The following CENPW variants were observed in gnomAD, a reference collection of about 807,000 sequenced individuals.
CENPW encodes centromere protein W.
CENPW carries 3 observed loss-of-function variants against 11.1 expected under a neutral mutation model. The ratio of observed to expected loss-of-function variants is 0.27; its 90% confidence interval spans 0.12 to 0.70. CENPW has a LOEUF of 0.70. Among genes scored for constraint, CENPW ranks in the 30% least tolerant of loss-of-function variants. CENPW has a pLI of 0.77. For missense variants in CENPW, 100 were observed against 105.6 expected (o/e 0.95, Z 0.23); for synonymous variants, 38 against 42.0 (o/e 0.91, Z 0.37).
the CENPW span, among the ~76,000 whole-genome samples, chr6:126,368,200 G>C: frequency 6.6e-6 from 1 of 152,188 alleles, no homozygotes; most frequent in Admixed American, 6.5e-5. Context: ...TCCGCACTGG[G>C]GGAATAAAAT....
At chr6:126,474,070 G>C in the CENPW span, among the ~76,000 whole-genome samples, 1 of 149,290 alleles carries the variant, frequency 6.7e-6, no homozygotes, top group South Asian at 2.1e-4. Flanking sequence ...AATGAGAGTA[G>C]AATATATTTC....
the CENPW span, among the ~76,000 whole-genome samples, chr6:126,417,808 C>T: frequency 6.6e-6 from 1 of 152,072 alleles, no homozygotes. Flanking sequence ...TGAAAAGGTG[C>T]CAGATCCATT....
chr6:126,402,941 T>A, the CENPW span, among the ~76,000 whole-genome samples: 1 of 152,068 alleles, frequency 6.6e-6, no homozygotes, highest in Non-Finnish European at 1.5e-5. Flanking sequence ...ATCAATGCCA[T>A]TTTTTCAAGA....
chr6:126,431,279 C>T, the CENPW span, among the ~76,000 whole-genome samples: 191 of 152,234 alleles, frequency 1.3e-3, 2 homozygotes, highest in African/African-American at 4.2e-3. Context: ...GACCCCAGTG[C>T]GTTTTTTGCT....
the CENPW span, among the ~76,000 whole-genome samples, chr6:126,371,721 T>G: frequency 6.6e-6 from 1 of 152,146 alleles, no homozygotes; most frequent in Non-Finnish European, 1.5e-5. Flanking sequence ...GGGCTTTTTT[T>G]GTTGGTATTT....
the CENPW span, among the ~76,000 whole-genome samples, chr6:126,456,333 A>G: frequency 6.6e-6 from 1 of 151,598 alleles, no homozygotes; most frequent in Admixed American, 6.6e-5. Context: ...CCAAAAACAC[A>G]TAATAGTAGC....
At chr6:126,460,210 T>C in the CENPW span, among the ~76,000 whole-genome samples, 2 of 151,668 alleles carry the variant, frequency 1.3e-5, no homozygotes, top group East Asian at 3.9e-4. Context: ...TGAGGATTTG[T>C]TTTAAATTTA....
chr6:126,355,527 C>G, the CENPW span, among the ~76,000 whole-genome samples: 2 of 146,828 alleles, frequency 1.4e-5, no homozygotes, highest in Non-Finnish European at 3.0e-5. Flanking sequence ...ATTCCATAAC[C>G]TGAAGACAGT....
At chr6:126,429,864 C>T in the CENPW span, among the ~76,000 whole-genome samples, 1 of 152,182 alleles carries the variant, frequency 6.6e-6, no homozygotes, top group East Asian at 1.9e-4. Flanking sequence ...AAATGCCCCT[C>T]TACTCTTTCT....
chr6:126,341,474 A>G (rs1471742091), intron 1 of CENPW, among the ~76,000 whole-genome samples: 1 of 152,124 alleles, frequency 6.6e-6, no homozygotes, highest in Non-Finnish European at 1.5e-5. Flanking sequence ...ACTACTATAG[A>G]ATTATCGCCC....
chr6:126,434,760 A>G, the CENPW span, among the ~76,000 whole-genome samples: 1 of 152,178 alleles, frequency 6.6e-6, no homozygotes, highest in East Asian at 1.9e-4. Flanking sequence ...TACATATAAT[A>G]AAATAAGAAA....
chr6:126,426,826 G>T, the CENPW span, among the ~76,000 whole-genome samples: 1 of 152,120 alleles, frequency 6.6e-6, no homozygotes, highest in Non-Finnish European at 1.5e-5. Flanking sequence ...GTTTTGCTAG[G>T]ATTATGCTAG....
At chr6:126,466,292 T>G in the CENPW span, among the ~76,000 whole-genome samples, 1 of 152,136 alleles carries the variant, frequency 6.6e-6, no homozygotes, top group African/African-American at 2.4e-5. Context: ...TAAGTAACTG[T>G]AAATCACTGG....
the CENPW span, among the ~76,000 whole-genome samples, chr6:126,384,431 A>G: frequency 3.9e-5 from 6 of 152,186 alleles, no homozygotes; most frequent in Non-Finnish European, 8.8e-5. Flanking sequence ...AAACAGACAT[A>G]TAGACCAGTG....
chr6:126,347,409 A>G (rs1363798575), intron 2 of CENPW, among the ~76,000 whole-genome samples: 1 of 152,210 alleles, frequency 6.6e-6, no homozygotes, highest in African/African-American at 2.4e-5. Flanking sequence ...AAAGGCTATG[A>G]GAGAAATATA....
At chr6:126,434,149 T>C in the CENPW span, among the ~76,000 whole-genome samples, 1 of 152,134 alleles carries the variant, frequency 6.6e-6, no homozygotes, top group Admixed American at 6.6e-5. Context: ...TCCAGGAAAT[T>C]CACATTTGGA....
downstream of CENPW, among the ~76,000 whole-genome samples, chr6:126,351,149 AGTGTGTGT>A (rs71024750): frequency 3.4e-5 from 5 of 147,170 alleles, no homozygotes; most frequent in Admixed American, 1.4e-4. Context: ...AGAGAGAGTG[AGTGTGTGT>A]GTGTGTGTGT....
At chr6:126,366,542 T>C in the CENPW span, among the ~76,000 whole-genome samples, 2 of 152,198 alleles carry the variant, frequency 1.3e-5, no homozygotes, top group African/African-American at 4.8e-5. Context: ...ACCTTTGAGA[T>C]TGAATAATAC....
At chr6:126,383,784 T>C in the CENPW span, among the ~76,000 whole-genome samples, 3 of 152,168 alleles carry the variant, frequency 2.0e-5, no homozygotes, top group African/African-American at 4.8e-5. Context: ...CAAGTTCTTA[T>C]AGACCTGCAG....
Sources: gnomAD v4.1 joint callset for allele counts (sites outside exome capture counted in the v4.1 genomes callset) on GRCh38, gnomAD v4.1.1 for gene constraint, MANE v1.5 for transcripts, NCBI Gene and HGNC (gene_info 2026-07-23, HGNC 2026-07-21) for gene names.